FBXL17: variants seen among roughly 807,000 people sequenced by gnomAD.
FBXL17 encodes the protein F-box/LRR-repeat protein 17.
A neutral mutation model predicts 66.2 loss-of-function variants in FBXL17; 22 were observed. That is an observed-to-expected ratio of 0.33 (90% CI 0.24 to 0.47). FBXL17 has a LOEUF of 0.47. Ranked by LOEUF, FBXL17 falls within the 20% of genes least tolerant of loss-of-function variation. The pLI is 1.00. For synonymous variants in FBXL17, 474 were observed against 400.5 expected (o/e 1.18, Z -2.19); for missense variants, 878 against 948.2 (o/e 0.93, Z 0.97).
intron 6 of FBXL17, among the ~76,000 whole-genome samples, chr5:108,041,595 T>G (rs1192819212): frequency 6.6e-6 from 1 of 152,040 alleles, no homozygotes; most frequent in Non-Finnish European, 1.5e-5. Flanking sequence ...TTTTTTAATT[T>G]TTAGTGGAGA....
chr5:107,983,656 C>T (rs1233134910), intron 7 of FBXL17, among the ~76,000 whole-genome samples: 1 of 152,138 alleles, frequency 6.6e-6, no homozygotes, highest in Non-Finnish European at 1.5e-5. Flanking sequence ...CTCTCGGGTC[C>T]ATCCCAAAGA....
At chr5:107,982,200 A>G (rs549028755) in intron 7 of FBXL17, among the ~76,000 whole-genome samples, 2 of 152,338 alleles carry the variant, frequency 1.3e-5, no homozygotes, top group East Asian at 3.9e-4. Flanking sequence ...TCTTGTCTTT[A>G]GTACATAAAT....
At chr5:108,317,697 T>G (rs1759435094) in intron 4 of FBXL17, among the ~76,000 whole-genome samples, 1 of 151,400 alleles carries the variant, frequency 6.6e-6, no homozygotes, top group South Asian at 2.1e-4. Context: ...GTTATACCAA[T>G]AAGCATAACC....
chr5:107,908,831 G>C (rs1443513760), intron 7 of FBXL17, among the ~76,000 whole-genome samples: 2 of 152,116 alleles, frequency 1.3e-5, no homozygotes, highest in Non-Finnish European at 1.5e-5. Context: ...TCTGAGGACA[G>C]TGTTAAATGT....
At chr5:108,055,280 GAAAAAAAAAAAAAAAAA>G (rs1000211060) in intron 6 of FBXL17, among the ~76,000 whole-genome samples, 7 of 23,708 alleles carry the variant, frequency 3.0e-4, no homozygotes, top group Non-Finnish European at 4.7e-4. Context: ...AGAATTTTTA[GAAAAAAAAAAAAAAAAA>G]AAAAAAAAAA....
intron 6 of FBXL17, among the ~76,000 whole-genome samples, chr5:108,127,477 T>C (rs985536954): frequency 2.0e-5 from 3 of 152,190 alleles, no homozygotes; most frequent in African/African-American, 4.8e-5. Context: ...CACAGTCAAA[T>C]TGGCATAAGT....
At chr5:108,333,179 A>G (rs952803572) in intron 4 of FBXL17, among the ~76,000 whole-genome samples, 12 of 145,774 alleles carry the variant, frequency 8.2e-5, no homozygotes, top group Non-Finnish European at 1.8e-4. Context: ...CATATTCAAC[A>G]TATTATTCTG....
At chr5:108,141,657 C>T (rs1461375326) in intron 6 of FBXL17, among the ~76,000 whole-genome samples, 1 of 152,162 alleles carries the variant, frequency 6.6e-6, no homozygotes, top group Non-Finnish European at 1.5e-5. Context: ...AATGCGGAGC[C>T]TCTGGAGAAA....
At chr5:107,909,628 T>C (rs1241231619) in intron 7 of FBXL17, among the ~76,000 whole-genome samples, 2 of 152,194 alleles carry the variant, frequency 1.3e-5, no homozygotes, top group Non-Finnish European at 2.9e-5. Context: ...TTCTCACTAA[T>C]TGAGGCCTTT....
intron 6 of FBXL17, among the ~76,000 whole-genome samples, chr5:108,053,151 G>A (rs1258696834): frequency 6.6e-6 from 1 of 152,016 alleles, no homozygotes; most frequent in Admixed American, 6.6e-5. Context: ...AAGACTTCAG[G>A]ACAAAATGCC....
intron 6 of FBXL17, among the ~76,000 whole-genome samples, chr5:108,048,270 A>G (rs566200155): frequency 6.6e-6 from 1 of 152,314 alleles, no homozygotes; most frequent in African/African-American, 2.4e-5. Flanking sequence ...CATCAACAAC[A>G]ACAACAGAAG....
At chr5:108,304,144 CA>C (rs1348597603) in intron 4 of FBXL17, among the ~76,000 whole-genome samples, 4 of 151,956 alleles carry the variant, frequency 2.6e-5, no homozygotes, top group Non-Finnish European at 4.4e-5. Context: ...CTATGATGGG[CA>C]TTAAACACTT....
At chr5:107,976,413 T>C (rs929184245) in intron 7 of FBXL17, among the ~76,000 whole-genome samples, 4 of 152,182 alleles carry the variant, frequency 2.6e-5, no homozygotes, top group Non-Finnish European at 5.9e-5. Flanking sequence ...GATTTGTTAA[T>C]TTTATATAGA....
intron 6 of FBXL17, among the ~76,000 whole-genome samples, chr5:108,107,502 CTT>C (rs1397296638): frequency 6.6e-6 from 1 of 152,058 alleles, no homozygotes; most frequent in Non-Finnish European, 1.5e-5. Flanking sequence ...GACAATTTCA[CTT>C]TGTTAGATTC....
At chr5:107,998,424 G>C (rs1470235365) in intron 7 of FBXL17, among the ~76,000 whole-genome samples, 1 of 152,104 alleles carries the variant, frequency 6.6e-6, no homozygotes, top group Non-Finnish European at 1.5e-5. Context: ...ACTGTTTCTT[G>C]AGTCACAGAT....
At chr5:107,926,603 T>C (rs530862870) in intron 7 of FBXL17, among the ~76,000 whole-genome samples, 4 of 151,678 alleles carry the variant, frequency 2.6e-5, no homozygotes, top group African/African-American at 7.3e-5. Context: ...ACTCATCTAG[T>C]AGCTGGTTCT....
In FBXL17 at chr5:107,947,133, G is replaced by A. The variant is rs562365538; in HGVS notation, c.1823-65954C>T. Among the ~76,000 whole-genome samples, 47 of 152,148 alleles carry A rather than the reference G, an allele frequency of 3.1e-4. No individual in the cohort carries two copies. The South Asian group carries it at 7.5e-3, about 24-fold the overall frequency. On this transcript the variant is annotated intron_variant, in intron 7 of 8. Transcript: ENST00000542267. ...ATCACACCAACATGACTTTTTTCACGGGCTGATCAGAAAATGATGGCTGAC... is the reference window on the plus strand; with the variant it reads ...ATCACACCAACATGACTTTTTTCACAGGCTGATCAGAAAATGATGGCTGAC...
chr5:107,964,692 T>C (rs1287341027), intron 7 of FBXL17, among the ~76,000 whole-genome samples: 1 of 152,046 alleles, frequency 6.6e-6, no homozygotes, highest in Non-Finnish European at 1.5e-5. Context: ...CCCAAAGACC[T>C]CAATTTACAT....
At chr5:108,362,553 T>C (rs190482258) in intron 3 of FBXL17, among the ~76,000 whole-genome samples, 37 of 152,244 alleles carry the variant, frequency 2.4e-4, no homozygotes, top group African/African-American at 8.2e-4. Context: ...TAAAATTATT[T>C]TGAGTGACTA....
Sources: allele counts gnomAD v4.1 joint callset (sites outside exome capture counted in the v4.1 genomes callset), GRCh38; gene constraint gnomAD v4.1.1; transcripts MANE v1.5; gene names NCBI Gene and HGNC (gene_info 2026-07-23, HGNC 2026-07-21).